The following PDK1 variants were observed in gnomAD, a reference collection of about 807,000 sequenced individuals.
PDK1 encodes the protein [Pyruvate dehydrogenase (acetyl-transferring)] kinase isozyme 1, mitochondrial.
A neutral mutation model predicts 54.2 loss-of-function variants in PDK1; 39 were observed. That is an observed-to-expected ratio of 0.72 (90% CI 0.56 to 0.94). The LOEUF is 0.94. Among genes scored for constraint, PDK1 ranks in the 40% least tolerant of loss-of-function variants. The probability of loss-of-function intolerance (pLI) is 0.00; values close to 1 mark genes in which losing one functional copy is unlikely to be tolerated. For missense variants in PDK1, 552 were observed against 566.0 expected (o/e 0.98, Z 0.25); for synonymous variants, 221 against 207.1 (o/e 1.07, Z -0.58).
rs1034875364 is a variant in PDK1 at position 172,599,473 on chromosome 2, G to A, written c.*3504G>A. 1 of 152,154 alleles carries A rather than the reference G, an allele frequency of 6.6e-6. No homozygotes were observed. The highest frequency in any genetic ancestry group is 2.4e-5 in the African/African-American group (1 of 41,424). The allele number at this position is 152,154 out of a possible 1,614,324, so 9.4% of individuals were successfully genotyped here. A position where few individuals can be genotyped will look rare whatever the true frequency, so the allele number is the denominator to read the frequency against. ...GTAAGTGTGAAGTTTCTACATATGG[G>A]TAATCAGGGTTGAGTTAGGTAGTTT... On this transcript the variant is annotated 3_prime_UTR_variant, in exon 11 of 11. Transcript: ENST00000282077.
intron 8 of PDK1, among the ~76,000 whole-genome samples, chr2:172,584,746 C>T (rs1304655396): frequency 6.7e-6 from 1 of 149,384 alleles, no homozygotes; most frequent in Non-Finnish European, 1.5e-5. Flanking sequence ...CCTCGAACTC[C>T]TGGGCTGAAG....
chr2:172,662,493 CGTGT>C, the PDK1 span, among the ~76,000 whole-genome samples: 2,325 of 143,608 alleles, frequency 0.016, 60 homozygotes, highest in African/African-American at 0.056. Flanking sequence ...TTTTTAAAAT[CGTGT>C]GTGTGTGTGT....
At chr2:172,665,325 C>T in the PDK1 span, among the ~76,000 whole-genome samples, 2 of 152,156 alleles carry the variant, frequency 1.3e-5, no homozygotes, top group African/African-American at 4.8e-5. Context: ...ACTCAGGATC[C>T]TTCACAAGCT....
the PDK1 span, among the ~76,000 whole-genome samples, chr2:172,715,043 A>C: frequency 6.6e-6 from 1 of 152,250 alleles, no homozygotes; most frequent in East Asian, 1.9e-4. Flanking sequence ...GAAAATATAC[A>C]ACACTAACTC....
At chr2:172,579,768 C>T (rs1558944100) in intron 8 of PDK1, among the ~76,000 whole-genome samples, 1 of 150,232 alleles carries the variant, frequency 6.7e-6, no homozygotes, top group East Asian at 2.0e-4. Flanking sequence ...TGGTGTGGGC[C>T]TTTTCTTACT....
At chr2:172,613,908 A>G in the PDK1 span, among the ~76,000 whole-genome samples, 1 of 151,960 alleles carries the variant, frequency 6.6e-6, no homozygotes, top group Non-Finnish European at 1.5e-5. Flanking sequence ...CTCAAACTGC[A>G]GCTGTGGATC....
chr2:172,570,611 T>G, intron 7 of PDK1, 115 bp from the exon 8 acceptor site: 1 of 531,622 alleles, frequency 1.9e-6, no homozygotes, highest in Admixed American at 3.7e-5. Context: ...GAATTGTGAT[T>G]CTTTGGCATA....
the PDK1 span, among the ~76,000 whole-genome samples, chr2:172,648,705 G>T: frequency 3.3e-5 from 5 of 152,184 alleles, no homozygotes. Flanking sequence ...TGGCTCGGAG[G>T]GTCCCATGCC....
At chr2:172,699,466 G>A in the PDK1 span, among the ~76,000 whole-genome samples, 1 of 144,950 alleles carries the variant, frequency 6.9e-6, no homozygotes, top group African/African-American at 2.5e-5. Context: ...TTTGAGTACA[G>A]ACCTCATCTG....
the PDK1 span, among the ~76,000 whole-genome samples, chr2:172,717,297 C>G: frequency 6.6e-6 from 1 of 152,188 alleles, no homozygotes; most frequent in East Asian, 1.9e-4. Flanking sequence ...GAGATGGCTG[C>G]AGCCTGGCTT....
intron 5 of PDK1, 110 bp from the exon 6 acceptor site, chr2:172,566,746 C>T (rs2149216771): frequency 1.1e-4 from 38 of 342,868 alleles, no homozygotes; most frequent in South Asian, 2.4e-4. Context: ...AGTATATTTT[C>T]TTCTGTAGAG....
At position 172,598,114 on chromosome 2, in the gene PDK1, G is replaced by C. The variant is rs1403016095; in HGVS notation, c.*2145G>C. 1 of 152,108 alleles carries C rather than the reference G, an allele frequency of 6.6e-6. No homozygotes were observed. The highest frequency in any genetic ancestry group is 1.5e-5 in the Non-Finnish European group (1 of 68,016). 9.4% of individuals were successfully genotyped at this position (152,108 alleles called of 1,614,324 possible). A position where few individuals can be genotyped will look rare whatever the true frequency, so the allele number is the denominator to read the frequency against. On this transcript the variant is annotated 3_prime_UTR_variant, in exon 11 of 11. Coordinates refer to ENST00000282077, the MANE Select transcript of PDK1 (RefSeq NM_002610.5). ...GTTAATGAGTAATTTATATTAGTTC[G>C]ATGTATTACAATTTTTTAGCTTTAA...
intron 2 of PDK1, among the ~76,000 whole-genome samples, chr2:172,559,055 T>G (rs1380672687): frequency 6.6e-6 from 1 of 152,188 alleles, no homozygotes; most frequent in Non-Finnish European, 1.5e-5. Context: ...TTCAGGCGAT[T>G]CTCCTGCCTC....
the PDK1 span, among the ~76,000 whole-genome samples, chr2:172,671,978 C>G: frequency 6.6e-6 from 1 of 152,072 alleles, no homozygotes; most frequent in East Asian, 1.9e-4. Flanking sequence ...GAGAGAAAGT[C>G]AGCTGCCGTT....
the PDK1 span, among the ~76,000 whole-genome samples, chr2:172,717,089 A>G: frequency 2.1e-4 from 32 of 152,346 alleles, no homozygotes; most frequent in African/African-American, 7.2e-4. Context: ...TCCCTCCTAC[A>G]TTGTACCAGG....
At chr2:172,661,242 T>G in the PDK1 span, among the ~76,000 whole-genome samples, 1 of 152,212 alleles carries the variant, frequency 6.6e-6, no homozygotes, top group African/African-American at 2.4e-5. Flanking sequence ...AGCTGACTGT[T>G]ACAGTTTAGG....
At chr2:172,571,408 G>T (rs147130811) in intron 8 of PDK1, among the ~76,000 whole-genome samples, 2,372 of 152,278 alleles carry the variant, frequency 0.016, 25 homozygotes, top group South Asian at 0.048. Context: ...CTGTCACCCA[G>T]GCTGGAGTGC....
chr2:172,668,266 CT>C, the PDK1 span, among the ~76,000 whole-genome samples: 1 of 140,348 alleles, frequency 7.1e-6, no homozygotes, highest in East Asian at 2.6e-4. Flanking sequence ...CTGATGGTTT[CT>C]TTCTTTCTTT....
At chr2:172,573,141 C>T (rs1294597076) in intron 8 of PDK1, among the ~76,000 whole-genome samples, 2 of 152,124 alleles carry the variant, frequency 1.3e-5, no homozygotes, top group South Asian at 2.1e-4. Context: ...TCATAGGAAA[C>T]TCTGTTTAAC....
Sources: gnomAD v4.1 joint callset for allele counts (sites outside exome capture counted in the v4.1 genomes callset) on GRCh38, gnomAD v4.1.1 for gene constraint, MANE v1.5 for transcripts, NCBI Gene and HGNC (gene_info 2026-07-23, HGNC 2026-07-21) for gene names.